The following TNIP2 variants were observed in gnomAD, a reference collection of about 807,000 sequenced individuals.
The protein encoded by TNIP2 is TNFAIP3 interacting protein 2, also known as TNFAIP3-interacting protein 2.
A neutral mutation model predicts 43.7 loss-of-function variants in TNIP2; 30 were observed. The ratio of observed to expected loss-of-function variants is 0.69; its 90% CI spans 0.51 to 0.93. The LOEUF is 0.93. TNIP2 is among the 40% of genes least tolerant of loss of function. TNIP2 has a pLI of 0.00. For missense variants in TNIP2, 599 were observed against 591.0 expected (o/e 1.01, Z -0.14); for synonymous variants, 260 against 254.6 (o/e 1.02, Z -0.20).
intron 1 of TNIP2, among the ~76,000 whole-genome samples, chr4:2,752,287 C>T (rs1051358532): frequency 3.3e-5 from 5 of 152,130 alleles, no homozygotes; most frequent in African/African-American, 1.2e-4. Context: ...TGGGGTTGGG[C>T]AGGACCAGGT....
Position 2,744,311 on chromosome 4 carries a change from G to A in TNIP2, c.1026+76C>T, listed in dbSNP as rs1435544926. ...GCAAATCAGGGCCTTGGCAGACACA[G>A]AAAGGCTCTAATCTCATGAGAAGAG... On this transcript the variant is annotated intron_variant, in intron 5 of 5. Transcript: ENST00000315423. The surrounding 1 kb of genome is among the most constrained non-coding windows in gnomAD (Gnocchi z 5.1). The A allele has an allele frequency of 3.8e-6, 6 of 1,582,264 alleles. No individual in the cohort carries two copies. The highest frequency in any genetic ancestry group is 2.7e-5 in the African/African-American group (2 of 73,926).
intron 1 of TNIP2, among the ~76,000 whole-genome samples, chr4:2,751,776 G>C (rs1450317121): frequency 1.3e-5 from 2 of 149,096 alleles, no homozygotes; most frequent in East Asian, 2.0e-4. Flanking sequence ...GTCAAAAAGA[G>C]GGGAGGGGAG....
chr4:2,747,246 C>A (rs1721971711), intron 2 of TNIP2, among the ~76,000 whole-genome samples: 1 of 152,194 alleles, frequency 6.6e-6, no homozygotes, highest in Non-Finnish European at 1.5e-5. Context: ...GGGTGTGGAA[C>A]TGGAGGCACT....
intron 1 of TNIP2, among the ~76,000 whole-genome samples, chr4:2,749,385 G>T (rs189986282): frequency 6.6e-6 from 1 of 152,210 alleles, no homozygotes; most frequent in Non-Finnish European, 1.5e-5. Flanking sequence ...CCCATTCCCC[G>T]GTATCTGGGA....
chr4:2,743,699 T>G (rs1203709558), intron 5 of TNIP2, among the ~76,000 whole-genome samples: 1 of 152,226 alleles, frequency 6.6e-6, no homozygotes, highest in Non-Finnish European at 1.5e-5. Flanking sequence ...CTGTTCAGTC[T>G]GTGCCAGGAG....
Position 2,744,628 on chromosome 4 carries a change from C to T in TNIP2, c.906+69G>A. On this transcript the variant is annotated intron_variant, in intron 4 of 5. Coordinates refer to ENST00000315423, the MANE Select transcript of TNIP2 (RefSeq NM_024309.4). This position sits in a 1 kb window ranked among gnomAD's most constrained non-coding sequence, Gnocchi z 5.1. ...CACCAAGCCTTCAGCCCAGCCTGTC[C>T]CATGATTTCGGCCACCACCGGCCAG... 3.2e-6 allele frequency: 5 copies of T among 1,586,262 alleles called. No individual in the cohort carries two copies. In the South Asian group the frequency reaches 3.4e-5, roughly 11 times the overall value.
chr4:2,742,463 A>T lies in TNIP2; in HGVS notation c.1084T>A (p.Leu362Met), dbSNP rs556537053. The T allele has an allele frequency of 1.5e-5, 24 of 1,609,574 alleles. No homozygotes were observed. The East Asian group carries it at 5.4e-4, about 36-fold the overall frequency. The change falls in exon 6 of 6, where the codon TTG becomes ATG. Residue 362 changes from leucine to methionine, a missense_variant. By Grantham distance (15) the Leu-to-Met change is conservative. Coordinates refer to ENST00000315423, the MANE Select transcript of TNIP2 (RefSeq NM_024309.4). ...ATAAGCTCTAATGCGTCGGCGGCCA[A>T]ATACTTGGCAGTTTTGCTCCCAGCG... ...IHAGSKTAKY[L>M]AADALELMVP...
At chr4:2,755,324 T>C (rs1722203087) in intron 1 of TNIP2, among the ~76,000 whole-genome samples, 3 of 151,266 alleles carry the variant, frequency 2.0e-5, no homozygotes, top group Admixed American at 2.0e-4. Flanking sequence ...CCCCTCGGAA[T>C]GTGTTCCCAC....
intron 1 of TNIP2, among the ~76,000 whole-genome samples, chr4:2,753,720 C>T (rs13111143): frequency 0.035 from 5,331 of 152,248 alleles, 115 homozygotes; most frequent in South Asian, 0.072. Flanking sequence ...AGTGTCCTTC[C>T]GGGTCCTTGG....
At chr4:2,750,679 G>GT (rs35355125) in intron 1 of TNIP2, among the ~76,000 whole-genome samples, 38,894 of 143,656 alleles carry the variant, frequency 0.27, 5,485 homozygotes, top group Middle Eastern at 0.38. Flanking sequence ...CTGACTTCTG[G>GT]TTTTTTTTTT....
Position 2,748,289 on chromosome 4 carries a change from C to T in TNIP2, c.277-344G>A, listed in dbSNP as rs1258702506. Among the ~76,000 whole-genome samples, 3 of 152,146 alleles carry T rather than the reference C, an allele frequency of 2.0e-5. No individual in the cohort carries two copies. In the East Asian group the frequency reaches 5.8e-4, roughly 29 times the overall value. On this transcript the variant is annotated intron_variant, in intron 1 of 5. Transcript: ENST00000315423. ...CTCCCAGGTTCAAGCGATTCTCCCA[C>T]CTCAGCCTCCTCAGTAGCTGGGATT...
At chr4:2,751,665 C>T (rs766245781) in intron 1 of TNIP2, among the ~76,000 whole-genome samples, 2 of 151,646 alleles carry the variant, frequency 1.3e-5, no homozygotes, top group Admixed American at 6.6e-5. Context: ...CCCAGCTACT[C>T]GGGAGGCTGA....
At chr4:2,753,312 C>T (rs1722148143) in intron 1 of TNIP2, among the ~76,000 whole-genome samples, 1 of 151,902 alleles carries the variant, frequency 6.6e-6, no homozygotes, top group Admixed American at 6.6e-5. Flanking sequence ...TGATGGCACA[C>T]TCCTGTGGTC....
In TNIP2 at chr4:2,745,654, ATCAT is replaced by A. The variant is rs1721927866; in HGVS notation, c.568-123_568-120del. ...GCGTCCCCCAGTGCAGCGGGTAGTG[ATCAT>A]TCATTTGGTAGAGAAGCAAAGCAGG... is the stretch of plus-strand genomic sequence containing the variant. On this transcript the variant is annotated intron_variant, in intron 2 of 5. Transcript: ENST00000315423. 3 of 712,866 alleles carry A rather than the reference ATCAT, an allele frequency of 4.2e-6. No homozygotes were observed. The East Asian group carries it at 8.1e-5, about 19-fold the overall frequency. 44.2% of individuals were successfully genotyped at this position (712,866 alleles called of 1,614,324 possible).
chr4:2,744,547 G>A lies in TNIP2; in HGVS notation c.907-41C>T, dbSNP rs751561414. 7 of 1,613,002 alleles carry A rather than the reference G, an allele frequency of 4.3e-6. No homozygotes were observed. Among genetic ancestry groups the A allele is most frequent in the Non-Finnish European group, 4.2e-6 (5 of 1,179,460 alleles). ...ACACACATTTCTGCTCAAGGAAGGA[G>A]GAAGCGCCCCACCAGGCTTCTCCCA... On this transcript the variant is annotated intron_variant, in intron 4 of 5. Coordinates refer to ENST00000315423, the MANE Select transcript of TNIP2 (RefSeq NM_024309.4). The surrounding 1 kb of genome is among the most constrained non-coding windows in gnomAD (Gnocchi z 5.1).
At chr4:2,750,124 C>A (rs1722063525) in intron 1 of TNIP2, among the ~76,000 whole-genome samples, 1 of 152,132 alleles carries the variant, frequency 6.6e-6, no homozygotes, top group African/African-American at 2.4e-5. Flanking sequence ...TAATATCTGG[C>A]CTTAAATTTG....
At chr4:2,750,997 G>C (rs1424513258) in intron 1 of TNIP2, among the ~76,000 whole-genome samples, 2 of 152,194 alleles carry the variant, frequency 1.3e-5, no homozygotes, top group African/African-American at 2.4e-5. Flanking sequence ...GGGCCATACA[G>C]AGACAGATCA....
At chr4:2,754,044 C>A (rs921203860) in intron 1 of TNIP2, among the ~76,000 whole-genome samples, 1 of 152,210 alleles carries the variant, frequency 6.6e-6, no homozygotes, top group African/African-American at 2.4e-5. Context: ...CACTGTGGGA[C>A]TACAGCGGCT....
chr4:2,749,810 T>TA (rs1388796244), intron 1 of TNIP2, among the ~76,000 whole-genome samples: 1 of 152,182 alleles, frequency 6.6e-6, no homozygotes, highest in African/African-American at 2.4e-5. Context: ...AAAAGGTTCT[T>TA]AAAATGACAA....
Sources: gnomAD v4.1 joint callset for allele counts (sites outside exome capture counted in the v4.1 genomes callset) on GRCh38, gnomAD v4.1.1 for gene constraint, Gnocchi (gnomAD v3.1) non-coding constraint, MANE v1.5 for transcripts, NCBI Gene and HGNC (gene_info 2026-07-23, HGNC 2026-07-21) for gene names.